The following SGCZ variants were observed in gnomAD, a reference collection of about 807,000 sequenced individuals.
SGCZ encodes sarcoglycan zeta, also known as zeta-sarcoglycan.
SGCZ carries 40 observed loss-of-function variants against 41.3 expected under a neutral mutation model. That is an observed-to-expected ratio of 0.97 (90% CI 0.75 to 1.26). The LOEUF (loss-of-function observed/expected upper bound fraction) is 1.26, where lower values mean the gene tolerates loss of function less well. Ranked by LOEUF, SGCZ falls within the 50% of genes most tolerant of loss-of-function variation. The pLI, the probability that SGCZ is intolerant of heterozygous loss-of-function variation, is 0.00. For missense variants in SGCZ, 552 were observed against 369.8 expected (o/e 1.49, Z -4.04); for synonymous variants, 206 against 137.5 (o/e 1.50, Z -3.49).
intron 1 of SGCZ, among the ~76,000 whole-genome samples, chr8:14,703,154 C>A (rs1273515759): frequency 6.6e-6 from 1 of 151,990 alleles, no homozygotes; most frequent in Non-Finnish European, 1.5e-5. Flanking sequence ...CTATTCAGAA[C>A]ATTCCATGGC....
At chr8:14,497,389 T>G (rs1043823902) in intron 2 of SGCZ, among the ~76,000 whole-genome samples, 1 of 152,134 alleles carries the variant, frequency 6.6e-6, no homozygotes, top group Non-Finnish European at 1.5e-5. Flanking sequence ...CGTGAACTAA[T>G]GGAGCAAGAA....
chr8:14,822,161 A>G (rs1409940265), intron 1 of SGCZ, among the ~76,000 whole-genome samples: 1 of 152,078 alleles, frequency 6.6e-6, no homozygotes, highest in Admixed American at 6.6e-5. Flanking sequence ...AAAAATCAAC[A>G]TTCAAAAATG....
At chr8:14,234,100 G>T (rs911321070) in intron 4 of SGCZ, among the ~76,000 whole-genome samples, 1 of 151,876 alleles carries the variant, frequency 6.6e-6, no homozygotes, top group Non-Finnish European at 1.5e-5. Flanking sequence ...ATAAAGCCTG[G>T]AACTTCATCA....
rs1437987836 is a variant in SGCZ, at chr8:14,302,372, AT to A, written c.336+21730del. 9.2e-5 allele frequency among the ~76,000 whole-genome samples: 14 copies of A among 152,284 alleles called. No individual in the cohort carries two copies. In the East Asian group the frequency reaches 2.3e-3, roughly 25 times the overall value. On this transcript the variant is annotated intron_variant, in intron 3 of 7. Coordinates refer to ENST00000382080, the MANE Select transcript of SGCZ (RefSeq NM_139167.4). ...TTTTTCTATTTATTAAATCAAGTGT[AT>A]TTTATCAACCCTGTGATTCTTTCAG...
chr8:14,511,940 T>C (rs1219499891), intron 2 of SGCZ, among the ~76,000 whole-genome samples: 1 of 152,132 alleles, frequency 6.6e-6, no homozygotes, highest in East Asian at 1.9e-4. Context: ...GTTTATAGAT[T>C]TTATATAATA....
intron 1 of SGCZ, among the ~76,000 whole-genome samples, chr8:14,950,834 T>C (rs1800607915): frequency 1.3e-5 from 2 of 151,936 alleles, no homozygotes; most frequent in South Asian, 4.1e-4. Flanking sequence ...GGCTTAGAAG[T>C]CTAATCAAAA....
chr8:14,789,067 C>G (rs774190283), intron 1 of SGCZ, among the ~76,000 whole-genome samples: 6 of 152,018 alleles, frequency 3.9e-5, no homozygotes, highest in Admixed American at 6.6e-5. Context: ...AGCCAACAAC[C>G]CTGCGCCTCA....
At chr8:14,342,459 G>A (rs1802743923) in intron 2 of SGCZ, among the ~76,000 whole-genome samples, 1 of 152,054 alleles carries the variant, frequency 6.6e-6, no homozygotes, top group Non-Finnish European at 1.5e-5. Flanking sequence ...GGGACTACAG[G>A]TGCCCGCCAT....
intron 1 of SGCZ, among the ~76,000 whole-genome samples, chr8:15,022,263 A>G (rs1198964223): frequency 1.3e-5 from 2 of 152,232 alleles, no homozygotes; most frequent in African/African-American, 4.8e-5. Context: ...TAATCATGTA[A>G]TTCTGCTGCT....
At chr8:14,261,814 A>T (rs1799677932) in intron 3 of SGCZ, among the ~76,000 whole-genome samples, 2 of 152,186 alleles carry the variant, frequency 1.3e-5, no homozygotes, top group South Asian at 4.1e-4. Flanking sequence ...ACTCTTTAGG[A>T]TATAGAAAGA....
intron 1 of SGCZ, among the ~76,000 whole-genome samples, chr8:14,670,223 G>C (rs1585169431): frequency 6.6e-6 from 1 of 152,114 alleles, no homozygotes; most frequent in Admixed American, 6.6e-5. Context: ...ATATGCTGAT[G>C]ATATGAAGTT....
At chr8:14,736,666 C>G (rs1488820522) in intron 1 of SGCZ, among the ~76,000 whole-genome samples, 1 of 152,036 alleles carries the variant, frequency 6.6e-6, no homozygotes, top group Non-Finnish European at 1.5e-5. Context: ...TCCATTGTGT[C>G]ATTCTTATGC....
intron 5 of SGCZ, among the ~76,000 whole-genome samples, chr8:14,150,461 T>C (rs1463588189): frequency 6.6e-6 from 1 of 152,120 alleles, no homozygotes; most frequent in Non-Finnish European, 1.5e-5. Context: ...AAATCAAATC[T>C]ACAAGGAGAT....
At chr8:14,365,925 T>G (rs1803689459) in intron 2 of SGCZ, among the ~76,000 whole-genome samples, 1 of 152,142 alleles carries the variant, frequency 6.6e-6, no homozygotes, top group South Asian at 2.1e-4. Flanking sequence ...TCACCAATAC[T>G]GAAAATATGT....
At chr8:14,929,706 A>G (rs1585387961) in intron 1 of SGCZ, among the ~76,000 whole-genome samples, 1 of 151,998 alleles carries the variant, frequency 6.6e-6, no homozygotes, top group East Asian at 1.9e-4. Context: ...TAGGTATAAA[A>G]TCCACAGCTG....
At chr8:14,693,684 G>T (rs1402604520) in intron 1 of SGCZ, among the ~76,000 whole-genome samples, 6 of 137,822 alleles carry the variant, frequency 4.4e-5, no homozygotes, top group Non-Finnish European at 4.6e-5. Context: ...TCCGCCTCCC[G>T]GGTATAAGTG....
intron 1 of SGCZ, among the ~76,000 whole-genome samples, chr8:14,958,832 G>T (rs1029996098): frequency 6.6e-6 from 1 of 152,020 alleles, no homozygotes; most frequent in Admixed American, 6.6e-5. Flanking sequence ...AAAATATAAA[G>T]GTTGAATGAC....
At chr8:15,134,174 C>G (rs1249404622) in intron 1 of SGCZ, among the ~76,000 whole-genome samples, 1 of 152,046 alleles carries the variant, frequency 6.6e-6, no homozygotes, top group African/African-American at 2.4e-5. Context: ...CTACCTTTCC[C>G]TTTACAGTAA....
chr8:14,910,877 C>T (rs750690656), intron 1 of SGCZ, among the ~76,000 whole-genome samples: 3 of 151,914 alleles, frequency 2.0e-5, no homozygotes, highest in Admixed American at 6.6e-5. Flanking sequence ...AAGTTGAATA[C>T]ATCCTAGAAG....
Sources: gnomAD v4.1 joint callset for allele counts (sites outside exome capture counted in the v4.1 genomes callset) on GRCh38, gnomAD v4.1.1 for gene constraint, MANE v1.5 for transcripts, NCBI Gene and HGNC (gene_info 2026-07-23, HGNC 2026-07-21) for gene names.